The following CENPI variants were observed in gnomAD, a reference collection of about 807,000 sequenced individuals.
CENPI encodes the protein FSH primary response 1.
CENPI carries 4 observed loss-of-function variants against 60.4 expected under a neutral mutation model. The ratio of observed to expected loss-of-function variants is 0.07; its 90% CI spans 0.03 to 0.15. The LOEUF (loss-of-function observed/expected upper bound fraction) is 0.15, where lower values mean the gene tolerates loss of function less well. Ranked by LOEUF, CENPI falls within the 10% of genes least tolerant of loss-of-function variation. The pLI is 1.00. For synonymous variants in CENPI, 157 were observed against 189.4 expected (o/e 0.83, Z 1.40); for missense variants, 444 against 534.5 (o/e 0.83, Z 1.67).
In CENPI at chrX:101,146,316, A is replaced by G. The variant is rs748563658; in HGVS notation, c.1826+39A>G. ...TTACCATTTTATGAAACAGTGTATT[A>G]TAATTCTCTCTTCCTCTTTCAGCTA... On this transcript the variant is annotated intron_variant, in intron 18 of 21. Coordinates refer to ENST00000682095, the MANE Select transcript of CENPI (RefSeq NM_001386188.2). 1.7e-4 allele frequency: 191 copies of G among 1,116,414 alleles called. No homozygotes were observed. Among genetic ancestry groups the G allele is most frequent in the Non-Finnish European group, 2.2e-4 (184 of 830,269 alleles). The allele number at this position is 1,116,414 out of a possible 1,213,427, so 92.0% of individuals were successfully genotyped here. A position where few individuals can be genotyped will look rare whatever the true frequency, so the allele number is the denominator to read the frequency against.
At chrX:101,175,646 A>T in the CENPI span, among the ~76,000 whole-genome samples, 3 of 111,748 alleles carry the variant, frequency 2.7e-5, no homozygotes, top group Non-Finnish European at 3.8e-5. Flanking sequence ...CCTTTCTAGT[A>T]TCTATACTTC....
chrX:101,109,846 A>G (rs2089533457), intron 5 of CENPI, 45 bp from the exon 6 acceptor site: 2 of 944,761 alleles, frequency 2.1e-6, no homozygotes, highest in South Asian at 4.0e-5. Context: ...ACTCTTCTGT[A>G]CCAGTTATAT....
chrX:101,141,947 G>T (rs1328511652), intron 16 of CENPI, among the ~76,000 whole-genome samples: 2 of 110,519 alleles, frequency 1.8e-5, no homozygotes, highest in Non-Finnish European at 3.8e-5. Flanking sequence ...GTCCAGGCTG[G>T]TCTTCAACTT....
At chrX:101,108,648 GT>G (rs372833421) in intron 4 of CENPI, among the ~76,000 whole-genome samples, 2,113 of 98,938 alleles carry the variant, frequency 0.021, 24 homozygotes, top group Non-Finnish European at 0.03. Flanking sequence ...TTGCCTTATA[GT>G]TTTTTTTTTT....
chrX:101,161,011 G>A (rs1419061507), intron 20 of CENPI, among the ~76,000 whole-genome samples: 1 of 111,940 alleles, frequency 8.9e-6, no homozygotes, highest in African/African-American at 3.2e-5. Context: ...TGAATATGAA[G>A]TTTTAGAAGT....
intron 13 of CENPI, among the ~76,000 whole-genome samples, chrX:101,131,488 T>A (rs1345509249): frequency 4.5e-5 from 5 of 111,683 alleles, no homozygotes; most frequent in Non-Finnish European, 9.4e-5. Flanking sequence ...ACTTAAGAGA[T>A]GCCTAATGGG....
the CENPI span, among the ~76,000 whole-genome samples, chrX:101,171,213 G>T: frequency 9.0e-6 from 1 of 111,503 alleles, no homozygotes; most frequent in Non-Finnish European, 1.9e-5. Flanking sequence ...GGGCCAATGT[G>T]ATTTTCCACA....
At chrX:101,135,904 G>A (rs1279767128) in intron 15 of CENPI, among the ~76,000 whole-genome samples, 1 of 111,454 alleles carries the variant, frequency 9.0e-6, no homozygotes, top group African/African-American at 3.3e-5. Flanking sequence ...GTATTTTTTA[G>A]TAGAGACGGG....
At chrX:101,142,570 C>T (rs1390517282) in intron 16 of CENPI, among the ~76,000 whole-genome samples, 4 of 110,762 alleles carry the variant, frequency 3.6e-5, no homozygotes, top group African/African-American at 1.3e-4. Context: ...CTGGTTGTCA[C>T]AGCGACTGGG....
intron 4 of CENPI, among the ~76,000 whole-genome samples, chrX:101,107,562 G>A (rs1441458334): frequency 9.1e-6 from 1 of 109,786 alleles, no homozygotes; most frequent in African/African-American, 3.3e-5. Context: ...TCACCATGTT[G>A]GCCATGCTGG....
At chrX:101,141,670 A>T (rs1210150324) in intron 16 of CENPI, among the ~76,000 whole-genome samples, 2 of 111,226 alleles carry the variant, frequency 1.8e-5, no homozygotes. Flanking sequence ...AAGAAATTCC[A>T]CTTAAACATT....
At chrX:101,154,621 C>T (rs2090036839) in intron 20 of CENPI, among the ~76,000 whole-genome samples, 1 of 111,417 alleles carries the variant, frequency 9.0e-6, no homozygotes, top group African/African-American at 3.3e-5. Context: ...AGCTGCGATT[C>T]TGATAGATAA....
At chrX:101,174,235 G>T in the CENPI span, among the ~76,000 whole-genome samples, 1 of 111,761 alleles carries the variant, frequency 8.9e-6, no homozygotes, top group Non-Finnish European at 1.9e-5. Flanking sequence ...CCCATGACTG[G>T]GTGTATCTAT....
rs760947288 is a variant in CENPI at position 101,150,541 on chromosome X, T to G, written c.2094+2380T>G. Among the ~76,000 whole-genome samples the G allele has an allele frequency of 2.7e-5, 3 of 110,233 alleles. No homozygotes were observed. In the Admixed American group the frequency reaches 2.9e-4, roughly 11 times the overall value. On this transcript the variant is annotated intron_variant, in intron 20 of 21. Coordinates refer to ENST00000682095, the MANE Select transcript of CENPI (RefSeq NM_001386188.2). Reference sequence around the variant, plus strand: ...GTGCGCCAACGCTCCTGGCTAGTTTTTTTGTATTTGTAGGGATGGAGTTTC... The same window carrying G: ...GTGCGCCAACGCTCCTGGCTAGTTTGTTTGTATTTGTAGGGATGGAGTTTC...
At chrX:101,143,884 T>C (rs1169297145) in intron 16 of CENPI, among the ~76,000 whole-genome samples, 1 of 111,539 alleles carries the variant, frequency 9.0e-6, no homozygotes, top group African/African-American at 3.3e-5. Flanking sequence ...CAGGCAAAAC[T>C]GAGTTTTGAT....
intron 6 of CENPI, among the ~76,000 whole-genome samples, chrX:101,115,796 C>T (rs1050123399): frequency 1.6e-4 from 18 of 111,950 alleles, no homozygotes; most frequent in African/African-American, 4.2e-4. Context: ...CTAACCATTA[C>T]GCAGTAACTC....
intron 21 of CENPI, 146 bp downstream of exon 21, chrX:101,161,715 G>T: frequency 3.9e-6 from 2 of 507,178 alleles, no homozygotes; most frequent in Non-Finnish European, 3.4e-6. Flanking sequence ...ATTCATTCCA[G>T]TGACTTTAAT....
rs149192218 is a variant in CENPI at position 101,151,707 on chromosome X, G to T, written c.2094+3546G>T. 9.8e-4 allele frequency among the ~76,000 whole-genome samples: 107 copies of T among 108,807 alleles called. No individual in the cohort carries two copies. In the East Asian group the frequency reaches 0.027, roughly 28 times the overall value. 94.5% of individuals were successfully genotyped at this position (108,807 alleles called of 115,157 possible). On this transcript the variant is annotated intron_variant, in intron 20 of 21. Transcript: ENST00000682095. ...AAATTAGCCGGGCGTGGTGGCACGT[G>T]CCTGTAGTCCCAGCTACTCAGGAGG...
chrX:101,139,831 T>G (rs770408321), intron 15 of CENPI, among the ~76,000 whole-genome samples: 64 of 70,401 alleles, frequency 9.1e-4, no homozygotes, highest in Non-Finnish European at 4.3e-4. Context: ...TTTTTTTTTT[T>G]TTGTTTTTTG....
Sources: allele counts gnomAD v4.1 joint callset (sites outside exome capture counted in the v4.1 genomes callset), GRCh38; gene constraint gnomAD v4.1.1; transcripts MANE v1.5; gene names NCBI Gene and HGNC (gene_info 2026-07-23, HGNC 2026-07-21).